The following HEY2 variants were observed in gnomAD, a reference collection of about 807,000 sequenced individuals.
HEY2 encodes the protein hes related family bHLH transcription factor with YRPW motif 2.
HEY2 carries 10 observed loss-of-function variants against 18.1 expected under a neutral mutation model. That is an observed-to-expected ratio of 0.55 (90% CI 0.34 to 0.94). HEY2 has a LOEUF of 0.94. Ranked by LOEUF, HEY2 falls within the 40% of genes least tolerant of loss-of-function variation. HEY2 has a pLI of 0.02. For missense variants in HEY2, 455 were observed against 455.9 expected, an observed-to-expected ratio of 1.00 and a Z score of 0.02; for synonymous variants, 210 against 182.7, an observed-to-expected ratio of 1.15 and a Z score of -1.21.
chr6:125,749,964 G>A (rs1448678915), intron 1 of HEY2, 105 bp downstream of exon 1: 3 of 977,986 alleles, frequency 3.1e-6, no homozygotes, highest in Non-Finnish European at 4.7e-6. Flanking sequence ...GCAGCATCTA[G>A]GTAGAGAGGG....
Position 125,759,108 on chromosome 6 carries a change from C to T in HEY2, c.329-9C>T. On this transcript the variant is annotated splice_polypyrimidine_tract_variant and intron_variant, in intron 4 of 4. Transcript: ENST00000368364. ...TCCTGTTCCCTACTTTGCTCAAACC[C>T]ACTTTTAGGCTACTTTGACGCACAC... 6.3e-7 allele frequency: 1 copy of T among 1,578,062 alleles called. No individual in the cohort carries two copies. Among genetic ancestry groups the T allele is most frequent in the Non-Finnish European group, 8.6e-7 (1 of 1,160,338 alleles).
chr6:125,751,875 GA>G lies in HEY2; in HGVS notation c.159del (p.Ile55LeufsTer2). The G allele has an allele frequency of 6.2e-7, 1 of 1,611,974 alleles. No homozygotes were observed. The highest frequency in any genetic ancestry group is 8.5e-7 in the Non-Finnish European group (1 of 1,178,142). On this transcript the variant is annotated frameshift_variant, in exon 2 of 5. Transcript: ENST00000368364. LOFTEE classifies it high-confidence loss of function. The stretch of plus-strand genomic sequence containing the variant: ...CAGATTATGGCAAGAAAGAAAAGGA[GA>G]GGGGTATGTGATTTTTCCCCCTTTT... ...TSQIMARKKR[R>X]GIIEKRRRDR...
chr6:125,759,557 C>CTCT lies in HEY2; in HGVS notation c.771_773dup (p.Leu257_Leu258insPhe). 6.2e-7 allele frequency: 1 copy of CTCT among 1,610,944 alleles called. No homozygotes were observed. The highest frequency in any genetic ancestry group is 8.5e-7 in the Non-Finnish European group (1 of 1,179,890). On this transcript the variant is annotated inframe_insertion, in exon 5 of 5. Transcript: ENST00000368364. ...CTGCGTGCCACCTCTCTCCACCTCT[C>CTCT]TCTTGTCCCTCTCTGCCACCGTCCA...
chr6:125,753,974 T>G (rs1773601733), intron 3 of HEY2, among the ~76,000 whole-genome samples: 2 of 152,198 alleles, frequency 1.3e-5, no homozygotes, highest in African/African-American at 4.8e-5. Flanking sequence ...AGTAGGCCTG[T>G]GAAAGGACTT....
chr6:125,757,595 G>A (rs575393770), intron 4 of HEY2, among the ~76,000 whole-genome samples: 54 of 152,296 alleles, frequency 3.5e-4, no homozygotes, highest in South Asian at 6.2e-4. Context: ...ATTTTTAATA[G>A]GTGATGAATA....
chr6:125,751,651 A>T (rs993241498), intron 1 of HEY2, 150 bp from the exon 2 acceptor site: 2 of 495,266 alleles, frequency 4.0e-6, no homozygotes, highest in East Asian at 6.2e-5. Flanking sequence ...CTGAAAGCAA[A>T]GTCCGTTAAG....
intron 3 of HEY2, among the ~76,000 whole-genome samples, chr6:125,753,154 G>T (rs1331125251): frequency 1.3e-5 from 2 of 152,222 alleles, no homozygotes; most frequent in African/African-American, 4.8e-5. Flanking sequence ...TAAAAATAAT[G>T]TGGAAATTGT....
At position 125,759,116 on chromosome 6, in the gene HEY2, G is replaced by T; in HGVS notation, c.329-1G>T. 6.3e-7 allele frequency: 1 copy of T among 1,586,078 alleles called. No homozygotes were observed. The highest frequency in any genetic ancestry group is 1.1e-5 in the South Asian group (1 of 86,982). On this transcript the variant is annotated splice_acceptor_variant, in intron 4 of 4. Transcript: ENST00000368364. LOFTEE classifies it high-confidence loss of function. Reference sequence around the variant, plus strand: ...CCTACTTTGCTCAAACCCACTTTTAGGCTACTTTGACGCACACGCTCTTGC... The same window carrying T: ...CCTACTTTGCTCAAACCCACTTTTATGCTACTTTGACGCACACGCTCTTGC...
Position 125,749,745 on chromosome 6 carries a change from G to T in HEY2, c.-32G>T. On this transcript the variant is annotated 5_prime_UTR_variant, in exon 1 of 5. Transcript: ENST00000368364. ...GCCCCGCTCGGCGTCCGAGCTTCCG[G>T]CCGGGCTGTGCCCCGCGCGGTCTTC... 1 of 1,536,386 alleles carries T rather than the reference G, an allele frequency of 6.5e-7. No individual in the cohort carries two copies. The highest frequency in any genetic ancestry group is 8.8e-7 in the Non-Finnish European group (1 of 1,137,420).
intron 3 of HEY2, among the ~76,000 whole-genome samples, chr6:125,753,902 G>T (rs1346307900): frequency 6.6e-6 from 1 of 152,060 alleles, no homozygotes; most frequent in Non-Finnish European, 1.5e-5. Flanking sequence ...AAAATTTTTG[G>T]ATCTGCTTGA....
intron 1 of HEY2, 81 bp downstream of exon 1, chr6:125,749,940 C>G (rs1330134470): frequency 2.6e-6 from 3 of 1,154,494 alleles, no homozygotes; most frequent in Non-Finnish European, 3.8e-6. Flanking sequence ...CTGGAAATCC[C>G]GAGGCTGGTC....
At position 125,759,917 on chromosome 6, in the gene HEY2, A is replaced by G. The variant is rs1289146594; in HGVS notation, c.*115A>G. ...ATGCCGACAGATCCACAAAGGAACA[A>G]TAAAGCTATTTGAGACACAAACCTC... is the stretch of plus-strand genomic sequence containing the variant. On this transcript the variant is annotated 3_prime_UTR_variant, in exon 5 of 5. Coordinates refer to ENST00000368364, the MANE Select transcript of HEY2 (RefSeq NM_012259.3). The G allele has an allele frequency of 2.5e-6, 2 of 809,412 alleles. No homozygotes were observed. Among genetic ancestry groups the G allele is most frequent in the Non-Finnish European group, 3.9e-6 (2 of 519,284 alleles). 50.1% of individuals were successfully genotyped at this position (809,412 alleles called of 1,614,324 possible).
rs1048802969 is a variant in HEY2 at position 125,761,063 on chromosome 6, A to G, written c.*1261A>G. 6.5e-6 allele frequency: 1 copy of G among 152,690 alleles called. No individual in the cohort carries two copies. The highest frequency in any genetic ancestry group is 1.5e-5 in the Non-Finnish European group (1 of 68,044). 9.5% of individuals were successfully genotyped at this position (152,690 alleles called of 1,614,324 possible). A position where few individuals can be genotyped will look rare whatever the true frequency, so the allele number is the denominator to read the frequency against. ...CGTGAGAGTTTTTGTTTAAAAGATA[A>G]GAGACACAGCATGTATTATGCACTT... is the stretch of plus-strand genomic sequence containing the variant. On this transcript the variant is annotated 3_prime_UTR_variant, in exon 5 of 5. Coordinates refer to ENST00000368364, the MANE Select transcript of HEY2 (RefSeq NM_012259.3).
At position 125,759,670 on chromosome 6, in the gene HEY2, A is replaced by G. The variant is rs140309029; in HGVS notation, c.882A>G (p.Ala294=). 417 of 1,612,258 alleles carry G rather than the reference A, an allele frequency of 2.6e-4. No homozygotes were observed. The highest frequency in any genetic ancestry group is 3.2e-4 in the Non-Finnish European group (375 of 1,180,014). ...GAFPMLPPNA[A]AAVAAATAIS... Reference sequence around the variant, plus strand: ...TCCCCATGCTTCCCCCAAACGCAGCAGCAGCAGTGGCCGCGGCCACAGCCA... The same window carrying G: ...TCCCCATGCTTCCCCCAAACGCAGCGGCAGCAGTGGCCGCGGCCACAGCCA... Residue 294 remains alanine, a synonymous_variant, in exon 5 of 5, where the codon GCA becomes GCG. Coordinates refer to ENST00000368364, the MANE Select transcript of HEY2 (RefSeq NM_012259.3).
intron 4 of HEY2, among the ~76,000 whole-genome samples, chr6:125,755,936 C>G (rs1773645713): frequency 6.6e-6 from 1 of 152,226 alleles, no homozygotes. Flanking sequence ...GTCTCTACAA[C>G]TGCTACCTCA....
intron 4 of HEY2, among the ~76,000 whole-genome samples, chr6:125,756,907 A>T (rs2128529356): frequency 6.6e-6 from 1 of 152,344 alleles, no homozygotes; most frequent in South Asian, 2.1e-4. Flanking sequence ...CCCAAGATCC[A>T]TTCACAAAAG....
chr6:125,755,868 A>G (rs1583189796), intron 4 of HEY2, among the ~76,000 whole-genome samples: 2 of 152,222 alleles, frequency 1.3e-5, no homozygotes, highest in African/African-American at 4.8e-5. Flanking sequence ...TCTGGGCTGC[A>G]CTTTGAGGGC....
In HEY2 at chr6:125,754,543, A is replaced by G. The variant is rs765038217; in HGVS notation, c.325A>G (p.Lys109Glu). 4 of 1,571,568 alleles carry G rather than the reference A, an allele frequency of 2.5e-6. No homozygotes were observed. Among genetic ancestry groups the G allele is most frequent in the Non-Finnish European group, 3.5e-6 (4 of 1,154,644 alleles). Residue 109 changes from lysine to glutamate, a missense_variant, in exon 4 of 5, where the codon AAA (lysine) becomes GAA (glutamate). Lys to Glu is a moderately conservative substitution (Grantham distance 56). Coordinates refer to ENST00000368364, the MANE Select transcript of HEY2 (RefSeq NM_012259.3). ...GAAGATGCTTCAGGCAACAGGGGGT[A>G]AAGGTAAGTAGATGACTTCATTTTT... ...HLKMLQATGG[K>E]GYFDAHALAM...
rs1342965198 is a variant in HEY2 at position 125,761,214 on chromosome 6, T to A, written c.*1412T>A. ...GTCTTTTTTGCATTACTTTGTAACC[T>A]TTTTCTATGCAAGAGTCTTTACATA... is the stretch of plus-strand genomic sequence containing the variant. On this transcript the variant is annotated 3_prime_UTR_variant, in exon 5 of 5. Coordinates refer to ENST00000368364, the MANE Select transcript of HEY2 (RefSeq NM_012259.3). 1 of 152,660 alleles carries A rather than the reference T, an allele frequency of 6.6e-6. No individual in the cohort carries two copies. Among genetic ancestry groups the A allele is most frequent in the Non-Finnish European group, 1.5e-5 (1 of 68,034 alleles). The allele number at this position is 152,660 out of a possible 1,614,324, so 9.5% of individuals were successfully genotyped here.
Sources: allele counts gnomAD v4.1 joint callset (sites outside exome capture counted in the v4.1 genomes callset), GRCh38; gene constraint gnomAD v4.1.1; transcripts MANE v1.5; gene names NCBI Gene and HGNC (gene_info 2026-07-23, HGNC 2026-07-21).